Variants in AADACL2 observed in about 807,000 individuals in gnomAD.
The protein encoded by AADACL2 is arylacetamide deacetylase-like 2.
A neutral mutation model predicts 22.3 loss-of-function variants in AADACL2; 23 were observed. That is an observed-to-expected ratio of 1.03 (90% confidence interval 0.74 to 1.46). The LOEUF (loss-of-function observed/expected upper bound fraction) is 1.46. AADACL2 is among the 40% of genes most tolerant of loss of function. The pLI is 0.00. For synonymous variants in AADACL2, 177 were observed against 166.2 expected (o/e 1.07, Z -0.50); for missense variants, 472 against 482.9 (o/e 0.98, Z 0.21).
rs568672092 is a variant in AADACL2 at position 151,759,166 on chromosome 3, C to T, written c.*1572C>T. On this transcript the variant is annotated 3_prime_UTR_variant, in exon 5 of 5. Coordinates refer to ENST00000356517, the MANE Select transcript of AADACL2 (RefSeq NM_207365.4). ...TTGATACTATATGCTATACTACATA[C>T]ACTAAGAATATTGTATTTTTCATAA... 2.7e-4 allele frequency: 41 copies of T among 152,170 alleles called. No homozygotes were observed. Among genetic ancestry groups the T allele is most frequent in the African/African-American group, 9.9e-4 (41 of 41,542 alleles). 9.4% of individuals were successfully genotyped at this position (152,170 alleles called of 1,614,324 possible). A position where few individuals can be genotyped will look rare whatever the true frequency, so the allele number is the denominator to read the frequency against.
intron 2 of AADACL2, among the ~76,000 whole-genome samples, chr3:151,742,011 A>G (rs1003676961): frequency 1.3e-5 from 2 of 152,154 alleles, no homozygotes; most frequent in East Asian, 1.9e-4. Flanking sequence ...ATTTGTTTTC[A>G]GATCTCCCAA....
At position 151,761,204 on chromosome 3, in the gene AADACL2, GATATATATATAT is replaced by G. The variant is rs56205370; in HGVS notation, c.*3637_*3648del. On this transcript the variant is annotated 3_prime_UTR_variant, in exon 5 of 5. Transcript: ENST00000356517. ...ATATGGTGAGATATATACATATTGT[GATATATATATAT>G]ATATATATATATATATATATATATA... 7.5e-4 allele frequency: 64 copies of G among 85,440 alleles called. 1 individual carries two copies. The highest frequency in any genetic ancestry group is 8.3e-3 in the Middle Eastern group (1 of 120). The allele number at this position is 85,440 out of a possible 1,614,324, so 5.3% of individuals were successfully genotyped here.
At chr3:151,741,813 GAT>G (rs1713287240) in intron 2 of AADACL2, among the ~76,000 whole-genome samples, 1 of 152,026 alleles carries the variant, frequency 6.6e-6, no homozygotes, top group East Asian at 1.9e-4. Context: ...ATATCACTTT[GAT>G]TGAAAAATAC....
intron 4 of AADACL2, among the ~76,000 whole-genome samples, chr3:151,755,726 A>C (rs1713873061): frequency 6.6e-6 from 1 of 152,146 alleles, no homozygotes; most frequent in South Asian, 2.1e-4. Context: ...TCCAGAAAGG[A>C]AAGTTAGGGT....
chr3:151,748,971 G>A (rs573048900), intron 4 of AADACL2, among the ~76,000 whole-genome samples: 3 of 152,158 alleles, frequency 2.0e-5, no homozygotes, highest in African/African-American at 7.2e-5. Context: ...TTTGAAATCA[G>A]GCATTATGAT....
rs933697412 is a variant in AADACL2 at position 151,756,985 on chromosome 3, T to C, written c.604-7T>C. 2 of 1,581,278 alleles carry C rather than the reference T, an allele frequency of 1.3e-6. No homozygotes were observed. Among genetic ancestry groups the C allele is most frequent in the Middle Eastern group, 1.7e-4 (1 of 5,870 alleles). On this transcript the variant is annotated splice_region_variant and splice_polypyrimidine_tract_variant and intron_variant, in intron 4 of 4. Transcript: ENST00000356517. ...TTGCATTACAGAATATTACCATATA[T>C]TTTCAGGTGCAGAATGATGCTGAAA...
At position 151,757,625 on chromosome 3, in the gene AADACL2, A is replaced by C; in HGVS notation, c.*31A>C. The C allele has an allele frequency of 6.5e-7, 1 of 1,548,614 alleles. No homozygotes were observed. The highest frequency in any genetic ancestry group is 2.3e-5 in the East Asian group (1 of 44,208). ...TGATGTGTATGTATAGCCCTTACAT[A>C]GTGGATTGTAATTTGTGATATTTTG... On this transcript the variant is annotated 3_prime_UTR_variant, in exon 5 of 5. Coordinates refer to ENST00000356517, the MANE Select transcript of AADACL2 (RefSeq NM_207365.4).
rs56205370 is a variant in AADACL2 at position 151,761,204 on chromosome 3, G to GATATATATATATATATATAT, written c.*3629_*3648dup. The GATATATATATATATATATAT allele has an allele frequency of 2.3e-5, 2 of 85,450 alleles. No homozygotes were observed. Among genetic ancestry groups the GATATATATATATATATATAT allele is most frequent in the Non-Finnish European group, 4.8e-5 (2 of 41,462 alleles). 5.3% of individuals were successfully genotyped at this position (85,450 alleles called of 1,614,324 possible). On this transcript the variant is annotated 3_prime_UTR_variant, in exon 5 of 5. Transcript: ENST00000356517. Reference sequence around the variant, plus strand: ...ATATGGTGAGATATATACATATTGTGATATATATATATATATATATATATA... The same window carrying GATATATATATATATATATAT: ...ATATGGTGAGATATATACATATTGTGATATATATATATATATATATATATATATATATATATATATATATA...
In AADACL2 at chr3:151,757,397, AC is replaced by A; in HGVS notation, c.1010del (p.Thr337IlefsTer7). On this transcript the variant is annotated frameshift_variant, in exon 5 of 5. Coordinates refer to ENST00000356517, the MANE Select transcript of AADACL2 (RefSeq NM_207365.4). LOFTEE classifies it low-confidence loss of function (END_TRUNC). ...GAATTTGCCACTAACCTATATTCTT[AC>A]TTGTCAACATGATCTCTTAAGAGAT... ...LQNLPLTYIL[T>X]CQHDLLRDDG... The A allele has an allele frequency of 6.2e-7, 1 of 1,613,718 alleles. No homozygotes were observed. Among genetic ancestry groups the A allele is most frequent in the Non-Finnish European group, 8.5e-7 (1 of 1,179,698 alleles).
Position 151,757,614 on chromosome 3 carries a change from A to G in AADACL2, c.*20A>G. 2 of 1,577,710 alleles carry G rather than the reference A, an allele frequency of 1.3e-6. No homozygotes were observed. The highest frequency in any genetic ancestry group is 1.2e-5 in the South Asian group (1 of 84,110). ...TTATAAATATGTGATGTGTATGTAT[A>G]GCCCTTACATAGTGGATTGTAATTT... On this transcript the variant is annotated 3_prime_UTR_variant, in exon 5 of 5. Transcript: ENST00000356517.
chr3:151,739,726 C>T (rs1713216778), intron 1 of AADACL2, among the ~76,000 whole-genome samples: 1 of 152,170 alleles, frequency 6.6e-6, no homozygotes, highest in South Asian at 2.1e-4. Flanking sequence ...GAGGAGGAAT[C>T]TAGAGAGGCA....
In AADACL2 at chr3:151,744,254, AT is replaced by A. The variant is rs573979327; in HGVS notation, c.431+98del. The A allele has an allele frequency of 1.6e-4, 182 of 1,172,342 alleles. 3 individuals are homozygous for A. In the South Asian group the frequency reaches 2.6e-3, roughly 17 times the overall value. 72.6% of individuals were successfully genotyped at this position (1,172,342 alleles called of 1,614,324 possible). A position where few individuals can be genotyped will look rare whatever the true frequency, so the allele number is the denominator to read the frequency against. Reference sequence around the variant, plus strand: ...TCAAGTCAGCTATGCTTCAAATATAATTTTTTAAATTAATATATTTTACTTG... The same window carrying A: ...TCAAGTCAGCTATGCTTCAAATATAATTTTTAAATTAATATATTTTACTTG... On this transcript the variant is annotated intron_variant, in intron 3 of 4. Transcript: ENST00000356517.
At chr3:151,746,365 GTT>G (rs11385894) in intron 4 of AADACL2, among the ~76,000 whole-genome samples, 19 of 136,960 alleles carry the variant, frequency 1.4e-4, no homozygotes, top group Admixed American at 3.6e-4. Flanking sequence ...TGTTTTTTTT[GTT>G]TTTTTTTTTT....
At position 151,759,111 on chromosome 3, in the gene AADACL2, T is replaced by A. The variant is rs538553880; in HGVS notation, c.*1517T>A. ...TAAGTATCATGGGAATCTGTTTTTT[T>A]CCTCTGAGAAATAAAATCTAAATGG... is the stretch of plus-strand genomic sequence containing the variant. On this transcript the variant is annotated 3_prime_UTR_variant, in exon 5 of 5. Transcript: ENST00000356517. 6.6e-6 allele frequency: 1 copy of A among 152,254 alleles called. No individual in the cohort carries two copies. Among genetic ancestry groups the A allele is most frequent in the East Asian group, 1.9e-4 (1 of 5,188 alleles). 9.4% of individuals were successfully genotyped at this position (152,254 alleles called of 1,614,324 possible). A position where few individuals can be genotyped will look rare whatever the true frequency, so the allele number is the denominator to read the frequency against.
At chr3:151,744,558 T>C (rs1021711332) in intron 3 of AADACL2, among the ~76,000 whole-genome samples, 1 of 152,186 alleles carries the variant, frequency 6.6e-6, no homozygotes, top group Non-Finnish European at 1.5e-5. Context: ...CTAAATACTA[T>C]TTTATATCTG....
intron 4 of AADACL2, among the ~76,000 whole-genome samples, chr3:151,749,482 G>A (rs997856073): frequency 1.3e-5 from 2 of 151,866 alleles, no homozygotes; most frequent in African/African-American, 4.8e-5. Context: ...TATGAAAATA[G>A]ACTTTTTTTT....
chr3:151,737,786 CT>C (rs941958374), intron 1 of AADACL2, among the ~76,000 whole-genome samples: 1 of 151,014 alleles, frequency 6.6e-6, no homozygotes, highest in Non-Finnish European at 1.5e-5. Flanking sequence ...GCAACCCTTG[CT>C]TTTTTTTTCC....
At position 151,752,450 on chromosome 3, in the gene AADACL2, G is replaced by T. The variant is rs116618934; in HGVS notation, c.604-4542G>T. Among the ~76,000 whole-genome samples the T allele has an allele frequency of 5.7e-3, 871 of 152,290 alleles. 10 individuals are homozygous for T. The highest frequency in any genetic ancestry group is 0.02 in the African/African-American group (823 of 41,560). ...GAATATATTTAACCTATTATTGCTA[G>T]ATTTCCTGGCAACATCACATGATGT... is the stretch of plus-strand genomic sequence containing the variant. On this transcript the variant is annotated intron_variant, in intron 4 of 4. Transcript: ENST00000356517.
Position 151,740,647 on chromosome 3 carries a change from C to A in AADACL2, c.140C>A (p.Ala47Asp). The change falls in exon 2 of 5, where the codon GCT becomes GAT. Residue 47 changes from alanine to aspartate, a missense_variant and splice_region_variant. Transcript: ENST00000356517. ...DAIAKTCTFT[A>D]MCFENMRIMR... ...ATTTTGTTTGTTTTGTTCTTACAGGCTATGTGTTTTGAAAATATGCGTATT... is the reference window on the plus strand; with the variant it reads ...ATTTTGTTTGTTTTGTTCTTACAGGATATGTGTTTTGAAAATATGCGTATT... 1 of 1,595,760 alleles carries A rather than the reference C, an allele frequency of 6.3e-7. No homozygotes were observed. The highest frequency in any genetic ancestry group is 8.6e-7 in the Non-Finnish European group (1 of 1,167,012).
Sources: allele counts gnomAD v4.1 joint callset (sites outside exome capture counted in the v4.1 genomes callset), GRCh38; gene constraint gnomAD v4.1.1; transcripts MANE v1.5; gene names NCBI Gene and HGNC (gene_info 2026-07-23, HGNC 2026-07-21).